The following AGAP1 variants were observed in gnomAD, a reference collection of about 807,000 sequenced individuals.
AGAP1 encodes the protein ArfGAP with GTPase domain, ankyrin repeat and PH domain 1.
AGAP1 carries 29 observed loss-of-function variants against 105.3 expected under a neutral mutation model. The observed-to-expected ratio is 0.28, with a 90% CI of 0.21 to 0.38. The LOEUF is 0.38. Ranked by LOEUF, AGAP1 falls within the 10% of genes least tolerant of loss-of-function variation. The probability of loss-of-function intolerance (pLI) is 1.00; values close to 1 mark genes in which losing one functional copy is unlikely to be tolerated. For missense variants in AGAP1, 998 were observed against 1,165.1 expected (o/e 0.86, Z 2.09); for synonymous variants, 509 against 485.9 (o/e 1.05, Z -0.63).
chr2:236,026,796 T>C (rs988124940), intron 13 of AGAP1, among the ~76,000 whole-genome samples: 6 of 152,262 alleles, frequency 3.9e-5, no homozygotes, highest in Non-Finnish European at 7.4e-5. Flanking sequence ...GGAAGCTAGT[T>C]TCAAAAGGCC....
chr2:235,766,398 G>C (rs1302413998), intron 6 of AGAP1, among the ~76,000 whole-genome samples: 1 of 152,138 alleles, frequency 6.6e-6, no homozygotes, highest in Non-Finnish European at 1.5e-5. Context: ...CCACTAGGGG[G>C]CATTGAAAGC....
chr2:236,084,806 AG>A (rs1260800552), intron 16 of AGAP1, among the ~76,000 whole-genome samples: 1 of 152,040 alleles, frequency 6.6e-6, no homozygotes, highest in Non-Finnish European at 1.5e-5. Context: ...CGGGAGGCTG[AG>A]GTGGGAGAAT....
Position 235,799,502 on chromosome 2 carries a change from C to T in AGAP1, c.937C>T (p.Arg313Cys). 1 of 1,614,186 alleles carries T rather than the reference C, an allele frequency of 6.2e-7. No homozygotes were observed. The highest frequency in any genetic ancestry group is 2.2e-5 in the East Asian group (1 of 44,878). ...TPTPVRKQSK[R>C]RSNLFTSRKG... ...CACGCCCGTTCGCAAGCAGTCTAAG[C>T]GCCGGTCCAACCTGTTCACCGTGAG... Residue 313 changes from arginine (R) to cysteine (C), a missense_variant, in exon 8 of 18, where the codon CGC becomes TGC. Coordinates refer to ENST00000304032, the MANE Select transcript of AGAP1 (RefSeq NM_001037131.3). This position sits in a 1 kb window ranked among gnomAD's most constrained non-coding sequence, Gnocchi z 5.0.
At chr2:235,852,922 G>A in intron 9 of AGAP1, 3 of 1,316,274 alleles carry the variant, frequency 2.3e-6, no homozygotes, top group Non-Finnish European at 2.9e-6. Flanking sequence ...TGTTTGTCCT[G>A]ACTTCAGCGC....
chr2:236,047,983 A>T, intron 15 of AGAP1, among the ~76,000 whole-genome samples: 1 of 152,086 alleles, frequency 6.6e-6, no homozygotes, highest in Admixed American at 6.5e-5. Flanking sequence ...TGGCTTTCTG[A>T]TTTCTGATCA....
chr2:235,880,305 C>T (rs538641503), intron 9 of AGAP1, among the ~76,000 whole-genome samples: 222 of 152,080 alleles, frequency 1.5e-3, no homozygotes, highest in Non-Finnish European at 2.6e-3. Flanking sequence ...CAAATCCATC[C>T]GCGTGGAGCC....
At chr2:235,584,463 A>G (rs375852179) in intron 1 of AGAP1, among the ~76,000 whole-genome samples, 1 of 147,062 alleles carries the variant, frequency 6.8e-6, no homozygotes, top group Non-Finnish European at 1.5e-5. Context: ...AGTTAAGATG[A>G]GGTCATACTA....
Position 235,633,348 on chromosome 2 carries a change from C to T in AGAP1, c.164-75831C>T, listed in dbSNP as rs1946889767. On this transcript the variant is annotated intron_variant, in intron 1 of 17. Coordinates refer to ENST00000304032, the MANE Select transcript of AGAP1 (RefSeq NM_001037131.3). This position sits in a 1 kb window ranked among gnomAD's most constrained non-coding sequence, Gnocchi z 4.8. ...GTGGCTCATGCCTGTAATCCTAGCA[C>T]TTTGGGAGGCCAAGGTGGGTGGATC... Among the ~76,000 whole-genome samples the T allele has an allele frequency of 6.6e-6, 1 of 152,112 alleles. No homozygotes were observed. Among genetic ancestry groups the T allele is most frequent in the Non-Finnish European group, 1.5e-5 (1 of 68,020 alleles).
At chr2:235,532,811 CGT>C (rs1373894235) in intron 1 of AGAP1, among the ~76,000 whole-genome samples, 5 of 152,144 alleles carry the variant, frequency 3.3e-5, no homozygotes, top group Non-Finnish European at 7.3e-5. Flanking sequence ...GGCAGTGAGC[CGT>C]GCCATTCCCT....
At position 236,053,067 on chromosome 2, in the gene AGAP1, T is replaced by C. The variant is rs1196188999; in HGVS notation, c.2114+3786T>C. On this transcript the variant is annotated intron_variant, in intron 16 of 17. Transcript: ENST00000304032. The surrounding 1 kb of genome is among the most constrained non-coding windows in gnomAD (Gnocchi z 4.6). ...TGTGCGTGTGTGCGGTACCATAACG[T>C]AGCGTGTTGTAGGGCGTCGAGCAGC... Among the ~76,000 whole-genome samples, 2 of 152,080 alleles carry C rather than the reference T, an allele frequency of 1.3e-5. No homozygotes were observed. Among genetic ancestry groups the C allele is most frequent in the East Asian group, 1.9e-4 (1 of 5,166 alleles).
chr2:235,783,868 CAAAA>C (rs1402860804), intron 6 of AGAP1, among the ~76,000 whole-genome samples: 1 of 151,892 alleles, frequency 6.6e-6, no homozygotes, highest in Non-Finnish European at 1.5e-5. Context: ...CATTTAATCT[CAAAA>C]AAAGAACCTA....
At position 235,824,318 on chromosome 2, in the gene AGAP1, T is replaced by G. The variant is rs1246939511; in HGVS notation, c.1050+16987T>G. On this transcript the variant is annotated intron_variant, in intron 9 of 17. Transcript: ENST00000304032. This position sits in a 1 kb window ranked among gnomAD's most constrained non-coding sequence, Gnocchi z 5.2. ...TGGAGTATCTGGGATTGACAGTGGCTTTAATTAGTTGATTACTAGTTCTTT... is the reference window on the plus strand; with the variant it reads ...TGGAGTATCTGGGATTGACAGTGGCGTTAATTAGTTGATTACTAGTTCTTT... Among the ~76,000 whole-genome samples, 2 of 152,220 alleles carry G rather than the reference T, an allele frequency of 1.3e-5. No individual in the cohort carries two copies. The highest frequency in any genetic ancestry group is 1.3e-4 in the Admixed American group (2 of 15,280).
intron 9 of AGAP1, among the ~76,000 whole-genome samples, chr2:235,859,997 C>T (rs544994516): frequency 1.8e-4 from 27 of 152,304 alleles, no homozygotes; most frequent in South Asian, 2.1e-4. Context: ...GGGTTACCTT[C>T]CCCTCCCAGC....
intron 1 of AGAP1, among the ~76,000 whole-genome samples, chr2:235,581,538 G>A (rs1944933847): frequency 6.6e-6 from 1 of 151,678 alleles, no homozygotes; most frequent in South Asian, 2.1e-4. Context: ...TGGGTACAGT[G>A]GCTCATGCCT....
rs1047393891 is a variant in AGAP1 at position 236,124,908 on chromosome 2, T to C, written c.*786T>C. ...TCACTGTCATCATTTAGTATCTGTT[T>C]AATTTTTCAGTCCAAAGAGAGGAAA... is the stretch of plus-strand genomic sequence containing the variant. On this transcript the variant is annotated 3_prime_UTR_variant, in exon 18 of 18. Transcript: ENST00000304032. This position sits in a 1 kb window ranked among gnomAD's most constrained non-coding sequence, Gnocchi z 5.1. 6.3e-6 allele frequency: 1 copy of C among 158,196 alleles called. No individual in the cohort carries two copies. Among genetic ancestry groups the C allele is most frequent in the Admixed American group, 6.5e-5 (1 of 15,296 alleles). 9.8% of individuals were successfully genotyped at this position (158,196 alleles called of 1,614,324 possible).
rs2057374790 is a variant in AGAP1, at chr2:236,036,169, A to G, written c.1646-392A>G. Reference sequence around the variant, plus strand: ...TGTGGATCTACGCGAGTGCTTAGATAGAAATTAACCCTGCAGCCGGAGATT... The same window carrying G: ...TGTGGATCTACGCGAGTGCTTAGATGGAAATTAACCCTGCAGCCGGAGATT... On this transcript the variant is annotated intron_variant, in intron 13 of 17. Coordinates refer to ENST00000304032, the MANE Select transcript of AGAP1 (RefSeq NM_001037131.3). The surrounding 1 kb of genome is among the most constrained non-coding windows in gnomAD (Gnocchi z 5.7). 6.6e-6 allele frequency among the ~76,000 whole-genome samples: 1 copy of G among 152,178 alleles called. No homozygotes were observed. The highest frequency in any genetic ancestry group is 6.5e-5 in the Admixed American group (1 of 15,282).
chr2:235,888,216 T>C lies in AGAP1; in HGVS notation c.1155+4767T>C, dbSNP rs1242233612. On this transcript the variant is annotated intron_variant, in intron 10 of 17. Coordinates refer to ENST00000304032, the MANE Select transcript of AGAP1 (RefSeq NM_001037131.3). The surrounding 1 kb of genome is among the most constrained non-coding windows in gnomAD (Gnocchi z 4.8). ...TATGGGCAGGGGGCGGGGGAGCGGG[T>C]AGTTCAGGAGGATCTCAGGATTATT... 6.6e-6 allele frequency among the ~76,000 whole-genome samples: 1 copy of C among 151,648 alleles called. No individual in the cohort carries two copies. Among genetic ancestry groups the C allele is most frequent in the African/African-American group, 2.4e-5 (1 of 41,272 alleles).
rs1269932315 is a variant in AGAP1 at position 235,639,921 on chromosome 2, T to C, written c.164-69258T>C. ...TTCCCCTTCAGCACCTTTATAGTTG[T>C]AATTTGCCCATGATGGGGTTAGAGA... is the stretch of plus-strand genomic sequence containing the variant. On this transcript the variant is annotated intron_variant, in intron 1 of 17. Transcript: ENST00000304032. The surrounding 1 kb of genome is among the most constrained non-coding windows in gnomAD (Gnocchi z 5.3). Among the ~76,000 whole-genome samples the C allele has an allele frequency of 1.3e-5, 2 of 152,230 alleles. No homozygotes were observed. The highest frequency in any genetic ancestry group is 6.5e-5 in the Admixed American group (1 of 15,292).
intron 13 of AGAP1, among the ~76,000 whole-genome samples, chr2:235,972,211 G>A (rs1052552695): frequency 1.8e-4 from 28 of 152,208 alleles, no homozygotes; most frequent in African/African-American, 6.5e-4. Context: ...TGGAATTACA[G>A]ATATAAAACT....
Sources: gnomAD v4.1 joint callset for allele counts (sites outside exome capture counted in the v4.1 genomes callset) on GRCh38, gnomAD v4.1.1 for gene constraint, Gnocchi (gnomAD v3.1) non-coding constraint, MANE v1.5 for transcripts, NCBI Gene and HGNC (gene_info 2026-07-23, HGNC 2026-07-21) for gene names.